Variants in ADGRB3 observed in about 807,000 individuals in gnomAD.
ADGRB3 encodes adhesion G protein-coupled receptor B3.
In ADGRB3, 37 loss-of-function variants were observed where a neutral mutation model predicts 193.4. The observed-to-expected ratio is 0.19, with a 90% CI of 0.15 to 0.25. The LOEUF is 0.25. Ranked by LOEUF, ADGRB3 falls within the 10% of genes least tolerant of loss-of-function variation. The pLI is 1.00. For synonymous variants in ADGRB3, 690 were observed against 644.2 expected (o/e 1.07, Z -1.08); for missense variants, 1,637 against 1,852.9 (o/e 0.88, Z 2.14).
intron 17 of ADGRB3, among the ~76,000 whole-genome samples, chr6:69,126,772 T>G (rs1438064113): frequency 6.6e-6 from 1 of 152,166 alleles, no homozygotes; most frequent in Non-Finnish European, 1.5e-5. Flanking sequence ...ACACCTAAAA[T>G]TAACCATCAC....
chr6:68,745,437 A>T (rs984173274), intron 3 of ADGRB3, among the ~76,000 whole-genome samples: 3 of 152,164 alleles, frequency 2.0e-5, no homozygotes, highest in Non-Finnish European at 4.4e-5. Flanking sequence ...GGGAATGGGG[A>T]AATAGGGAAG....
intron 3 of ADGRB3, among the ~76,000 whole-genome samples, chr6:68,857,171 A>G (rs1379229866): frequency 6.6e-6 from 1 of 152,220 alleles, no homozygotes; most frequent in African/African-American, 2.4e-5. Context: ...AACCTCTGCT[A>G]GGGCAGTGTG....
At chr6:68,767,717 AG>A (rs1377940046) in intron 3 of ADGRB3, among the ~76,000 whole-genome samples, 24 of 152,278 alleles carry the variant, frequency 1.6e-4, no homozygotes, top group Admixed American at 1.3e-4. Flanking sequence ...AAAGAAATAA[AG>A]GGTCTTCAAA....
intron 20 of ADGRB3, among the ~76,000 whole-genome samples, chr6:69,315,340 G>A (rs895794308): frequency 4.6e-5 from 7 of 151,396 alleles, no homozygotes; most frequent in South Asian, 2.1e-4. Context: ...CAAAATTAAC[G>A]TTTAAGCAGA....
intron 10 of ADGRB3, among the ~76,000 whole-genome samples, chr6:68,993,019 A>AC (rs1769280891): frequency 6.6e-6 from 1 of 152,114 alleles, no homozygotes; most frequent in Non-Finnish European, 1.5e-5. Flanking sequence ...ACCTTCTCTT[A>AC]CCTTACTATT....
chr6:69,225,850 A>G (rs1217940755), intron 17 of ADGRB3, among the ~76,000 whole-genome samples: 1 of 152,206 alleles, frequency 6.6e-6, no homozygotes, highest in Non-Finnish European at 1.5e-5. Flanking sequence ...TGGACCCTGA[A>G]TAAATGTTAG....
chr6:69,000,599 C>G, intron 11 of ADGRB3, among the ~76,000 whole-genome samples: 1 of 152,042 alleles, frequency 6.6e-6, no homozygotes, highest in East Asian at 1.9e-4. Context: ...AAACAAAAAG[C>G]CCCAAAAGTA....
In ADGRB3 at chr6:69,274,512, TCTTC is replaced by T. The variant is rs1160807528; in HGVS notation, c.2814+35295_2814+35298del. Among the ~76,000 whole-genome samples, 3 of 90,920 alleles carry T rather than the reference TCTTC, an allele frequency of 3.3e-5. No homozygotes were observed. The Admixed American group carries it at 3.9e-4, about 12-fold the overall frequency. 59.6% of individuals were successfully genotyped at this position (90,920 alleles called of 152,430 possible). A position where few individuals can be genotyped will look rare whatever the true frequency, so the allele number is the denominator to read the frequency against. On this transcript the variant is annotated intron_variant, in intron 20 of 31. Transcript: ENST00000370598. ...CCCTCCCTCCCTTTCTTCTTTCCCTTCTTCCTTCCTTCTTTCTACCTTCCTTCTT... is the reference window on the plus strand; with the variant it reads ...CCCTCCCTCCCTTTCTTCTTTCCCTTCTTCCTTCTTTCTACCTTCCTTCTT...
chr6:68,992,211 G>A (rs1037068332), intron 10 of ADGRB3, among the ~76,000 whole-genome samples: 1 of 152,172 alleles, frequency 6.6e-6, no homozygotes, highest in Non-Finnish European at 1.5e-5. Context: ...CTAAATATGA[G>A]TGGTTTTTAA....
At chr6:69,336,320 TTTC>T (rs974818072) in intron 24 of ADGRB3, among the ~76,000 whole-genome samples, 4 of 152,024 alleles carry the variant, frequency 2.6e-5, no homozygotes, top group African/African-American at 4.8e-5. Flanking sequence ...GCAGTGGAAT[TTTC>T]TTATCTACTG....
chr6:68,765,587 A>G (rs1259966201), intron 3 of ADGRB3, among the ~76,000 whole-genome samples: 1 of 126,198 alleles, frequency 7.9e-6, no homozygotes, highest in Non-Finnish European at 1.8e-5. Flanking sequence ...CCTGGAGCAG[A>G]GGGTTAATTA....
At chr6:69,043,321 A>AAAGAAAGG (rs1554252099) in intron 13 of ADGRB3, among the ~76,000 whole-genome samples, 7 of 52,006 alleles carry the variant, frequency 1.3e-4, no homozygotes, top group Admixed American at 2.8e-4. Flanking sequence ...AGAAAGAAAG[A>AAAGAAAGG]AAGAAAGAAA....
intron 26 of ADGRB3, among the ~76,000 whole-genome samples, chr6:69,350,535 A>T (rs1243411523): frequency 6.6e-6 from 1 of 152,128 alleles, no homozygotes; most frequent in Non-Finnish European, 1.5e-5. Flanking sequence ...TTAGTAAAAA[A>T]ATTGCATTTA....
intron 3 of ADGRB3, among the ~76,000 whole-genome samples, chr6:68,733,746 G>GCACAATAGA: frequency 6.6e-6 from 1 of 151,616 alleles, no homozygotes; most frequent in Admixed American, 6.6e-5. Flanking sequence ...AGCACAATAG[G>GCACAATAGA]GTGACTATAG....
intron 15 of ADGRB3, among the ~76,000 whole-genome samples, chr6:69,056,430 A>G (rs1290867413): frequency 6.6e-6 from 1 of 152,048 alleles, no homozygotes; most frequent in Non-Finnish European, 1.5e-5. Context: ...TGGCCTTTTC[A>G]TTCTACTCAC....
chr6:68,803,858 T>C (rs1767355742), intron 3 of ADGRB3, among the ~76,000 whole-genome samples: 1 of 152,190 alleles, frequency 6.6e-6, no homozygotes, highest in African/African-American at 2.4e-5. Flanking sequence ...GAAGTCCAAA[T>C]CGATTATTTT....
chr6:69,216,923 A>G (rs1214015492), intron 17 of ADGRB3, among the ~76,000 whole-genome samples: 1 of 152,228 alleles, frequency 6.6e-6, no homozygotes, highest in Admixed American at 6.5e-5. Context: ...AGAGCTGCCC[A>G]CACAACTCTC....
At chr6:69,117,780 A>G (rs529129490) in intron 17 of ADGRB3, among the ~76,000 whole-genome samples, 28 of 152,292 alleles carry the variant, frequency 1.8e-4, no homozygotes, top group African/African-American at 6.5e-4. Flanking sequence ...ATTAGATTAA[A>G]ATTAAGTTTT....
chr6:68,985,645 A>G (rs1769048949), intron 10 of ADGRB3, among the ~76,000 whole-genome samples: 1 of 152,118 alleles, frequency 6.6e-6, no homozygotes, highest in Admixed American at 6.6e-5. Flanking sequence ...CCATCATCTC[A>G]AGCCCTTGAA....
Sources: gnomAD v4.1 joint callset for allele counts (sites outside exome capture counted in the v4.1 genomes callset) on GRCh38, gnomAD v4.1.1 for gene constraint, MANE v1.5 for transcripts, NCBI Gene and HGNC (gene_info 2026-07-23, HGNC 2026-07-21) for gene names.